Variants in MDGA2 observed in about 807,000 individuals in gnomAD.
MDGA2 encodes the protein MAM domain containing glycosylphosphatidylinositol anchor 2.
Under a neutral mutation model 117.8 loss-of-function variants are expected in MDGA2, and 40 were observed. That is an observed-to-expected ratio of 0.34 (90% CI 0.26 to 0.44). The LOEUF (loss-of-function observed/expected upper bound fraction) is 0.44. MDGA2 is among the 20% of genes least tolerant of loss of function. The pLI is 1.00. For synonymous variants in MDGA2, 452 were observed against 439.0 expected, an observed-to-expected ratio of 1.03 and a Z score of -0.37; for missense variants, 1,123 against 1,250.6, an observed-to-expected ratio of 0.90 and a Z score of 1.54.
At chr14:47,055,477 C>T (rs922458641) in intron 7 of MDGA2, among the ~76,000 whole-genome samples, 1 of 152,040 alleles carries the variant, frequency 6.6e-6, no homozygotes, top group African/African-American at 2.4e-5. Flanking sequence ...TAACATTATT[C>T]TGTGTGCTCC....
At chr14:47,524,650 T>C (rs929077020) in intron 1 of MDGA2, among the ~76,000 whole-genome samples, 1 of 152,214 alleles carries the variant, frequency 6.6e-6, no homozygotes, top group African/African-American at 2.4e-5. Flanking sequence ...ATTTTAATAA[T>C]ATATGTCCTG....
At chr14:47,269,223 C>A (rs956224245) in intron 2 of MDGA2, among the ~76,000 whole-genome samples, 2 of 152,056 alleles carry the variant, frequency 1.3e-5, no homozygotes, top group Non-Finnish European at 2.9e-5. Flanking sequence ...TTTGGTGAAG[C>A]TATGTCATAT....
intron 14 of MDGA2, among the ~76,000 whole-genome samples, chr14:46,867,097 G>A (rs1881799051): frequency 6.6e-6 from 1 of 152,166 alleles, no homozygotes; most frequent in African/African-American, 2.4e-5. Flanking sequence ...GCACATGTAT[G>A]TTTATTGTGG....
intron 1 of MDGA2, among the ~76,000 whole-genome samples, chr14:47,601,306 T>A (rs1358018723): frequency 1.3e-5 from 2 of 152,122 alleles, no homozygotes; most frequent in African/African-American, 2.4e-5. Flanking sequence ...TAGGGCAAGA[T>A]AAAGGACTCC....
intron 4 of MDGA2, among the ~76,000 whole-genome samples, chr14:47,143,559 TTAAA>T (rs1337009017): frequency 1.3e-5 from 2 of 152,188 alleles, no homozygotes; most frequent in African/African-American, 2.4e-5. Context: ...TAATGACTCG[TTAAA>T]TATTTTCATT....
intron 6 of MDGA2, among the ~76,000 whole-genome samples, chr14:47,075,441 A>G (rs1890456356): frequency 6.6e-6 from 1 of 152,224 alleles, no homozygotes; most frequent in South Asian, 2.1e-4. Context: ...AGTAGTCATC[A>G]GATTGATTGT....
chr14:47,453,835 G>A (rs75963181), intron 1 of MDGA2, among the ~76,000 whole-genome samples: 4,877 of 152,218 alleles, frequency 0.032, 258 homozygotes, highest in African/African-American at 0.11. Context: ...AGTTGGAAAT[G>A]TCTGATGAGA....
intron 1 of MDGA2, among the ~76,000 whole-genome samples, chr14:47,536,377 T>C (rs1895210990): frequency 1.3e-5 from 2 of 152,228 alleles, no homozygotes; most frequent in South Asian, 4.1e-4. Flanking sequence ...GTGATGTAAA[T>C]ATTAGCACAA....
chr14:47,352,958 A>G (rs1890916596), intron 1 of MDGA2, among the ~76,000 whole-genome samples: 1 of 152,214 alleles, frequency 6.6e-6, no homozygotes, highest in Admixed American at 6.5e-5. Context: ...CAAAAGAAAA[A>G]GAATATTTTG....
chr14:47,397,134 T>A (rs1892029176), intron 1 of MDGA2, among the ~76,000 whole-genome samples: 1 of 152,144 alleles, frequency 6.6e-6, no homozygotes, highest in African/African-American at 2.4e-5. Context: ...ATATTCACCA[T>A]GGAATACTAT....
chr14:46,970,614 C>A (rs1005668511), intron 8 of MDGA2, among the ~76,000 whole-genome samples: 2 of 152,078 alleles, frequency 1.3e-5, no homozygotes, highest in Non-Finnish European at 2.9e-5. Context: ...ATAGGGGAAA[C>A]ACTTTAAGAC....
intron 1 of MDGA2, among the ~76,000 whole-genome samples, chr14:47,307,359 C>T (rs1488239367): frequency 6.6e-6 from 1 of 152,108 alleles, no homozygotes; most frequent in African/African-American, 2.4e-5. Context: ...CCTCATTAGC[C>T]TAGTTACATT....
intron 14 of MDGA2, among the ~76,000 whole-genome samples, chr14:46,867,153 C>A (rs1045481416): frequency 9.2e-5 from 14 of 152,110 alleles, no homozygotes; most frequent in African/African-American, 3.1e-4. Flanking sequence ...AAATGTCCAA[C>A]AATGATAGAC....
At chr14:47,430,311 A>G (rs932776285) in intron 1 of MDGA2, among the ~76,000 whole-genome samples, 1 of 152,060 alleles carries the variant, frequency 6.6e-6, no homozygotes, top group Admixed American at 6.6e-5. Flanking sequence ...AAAGAAGAGG[A>G]CAATTCTTTT....
intron 9 of MDGA2, among the ~76,000 whole-genome samples, chr14:46,929,190 G>A (rs550790194): frequency 3.3e-5 from 5 of 152,112 alleles, no homozygotes; most frequent in East Asian, 3.9e-4. Context: ...CCTGTCTGAC[G>A]AATTGTTATT....
intron 8 of MDGA2, among the ~76,000 whole-genome samples, chr14:46,992,106 T>C (rs1182583202): frequency 6.6e-6 from 1 of 152,120 alleles, no homozygotes; most frequent in African/African-American, 2.4e-5. Context: ...GCAGATACTT[T>C]CAATAGTTGA....
rs185628062 is a variant in MDGA2 at position 47,051,780 on chromosome 14, G to C, written c.1525+9469C>G. Among the ~76,000 whole-genome samples the C allele has an allele frequency of 4.3e-3, 656 of 152,002 alleles. 3 individuals are homozygous for C. Among genetic ancestry groups the C allele is most frequent in the African/African-American group, 0.015 (619 of 41,514 alleles). ...AAAATGGTGATGAAACTGTTAGCCT[G>C]TGGATCCAATCATCATAAATACTGC... On this transcript the variant is annotated intron_variant, in intron 7 of 16. Transcript: ENST00000399232.
intron 7 of MDGA2, among the ~76,000 whole-genome samples, chr14:47,047,948 C>A (rs17117955): frequency 0.097 from 14,687 of 151,946 alleles, 809 homozygotes; most frequent in African/African-American, 0.15. Flanking sequence ...TAAACCTTTT[C>A]TAATCTGAAT....
intron 3 of MDGA2, among the ~76,000 whole-genome samples, chr14:47,189,411 C>G (rs982355512): frequency 6.6e-6 from 1 of 151,938 alleles, no homozygotes; most frequent in Non-Finnish European, 1.5e-5. Flanking sequence ...CCCACAGCCA[C>G]GGAATATAGT....
Sources: gnomAD v4.1 joint callset for allele counts (sites outside exome capture counted in the v4.1 genomes callset) on GRCh38, gnomAD v4.1.1 for gene constraint, MANE v1.5 for transcripts, NCBI Gene and HGNC (gene_info 2026-07-23, HGNC 2026-07-21) for gene names.